RHBDD1: variants seen among roughly 807,000 people sequenced by gnomAD.
RHBDD1 encodes the protein rhomboid domain containing 1.
In RHBDD1, 38 loss-of-function variants were observed where a neutral mutation model predicts 36.3. That is an observed-to-expected ratio of 1.05 (90% CI 0.81 to 1.37). The LOEUF is 1.37. RHBDD1 is among the 40% of genes most tolerant of loss of function. The probability of loss-of-function intolerance (pLI) is 0.00; values close to 1 mark genes in which losing one functional copy is unlikely to be tolerated. For missense variants in RHBDD1, 393 were observed against 377.6 expected (o/e 1.04, Z -0.34); for synonymous variants, 151 against 136.5 (o/e 1.11, Z -0.74).
At chr2:226,937,809 A>G (rs986115265) in intron 8 of RHBDD1, among the ~76,000 whole-genome samples, 5 of 152,174 alleles carry the variant, frequency 3.3e-5, no homozygotes, top group South Asian at 2.1e-4. Context: ...TACATGGTGT[A>G]TACGTACCAC....
intron 5 of RHBDD1, among the ~76,000 whole-genome samples, chr2:226,894,878 T>C (rs1465375168): frequency 6.6e-6 from 1 of 152,182 alleles, no homozygotes; most frequent in Non-Finnish European, 1.5e-5. Flanking sequence ...GAGCAGCCTC[T>C]GCCAAGTCCT....
At position 226,997,821 on chromosome 2, in the gene RHBDD1, A is replaced by G. The variant is rs1280586995; in HGVS notation, c.*2299A>G. ...TGTAAACCAATTACTTTAGCACAAC[A>G]ATAAAGATGTTCTGGAAATTATTAT... On this transcript the variant is annotated 3_prime_UTR_variant, in exon 9 of 9. Coordinates refer to ENST00000392062, the MANE Select transcript of RHBDD1 (RefSeq NM_001167608.3). 6.6e-6 allele frequency: 1 copy of G among 152,212 alleles called. No individual in the cohort carries two copies. The highest frequency in any genetic ancestry group is 1.5e-5 in the Non-Finnish European group (1 of 68,050). The allele number at this position is 152,212 out of a possible 1,614,324, so 9.4% of individuals were successfully genotyped here.
intron 5 of RHBDD1, among the ~76,000 whole-genome samples, chr2:226,872,358 C>A (rs545550441): frequency 2.0e-5 from 3 of 152,114 alleles, no homozygotes; most frequent in Admixed American, 6.5e-5. Context: ...ATATTTTCCC[C>A]GACAGGTTTT....
At chr2:226,834,475 C>T (rs1455135340), upstream of RHBDD1, among the ~76,000 whole-genome samples, 1 of 152,202 alleles carries the variant, frequency 6.6e-6, no homozygotes, top group Non-Finnish European at 1.5e-5. Context: ...TGAACACGTA[C>T]AATTTGCTAA....
chr2:226,927,020 G>C (rs573583987), intron 8 of RHBDD1, among the ~76,000 whole-genome samples: 3 of 152,068 alleles, frequency 2.0e-5, no homozygotes, highest in Non-Finnish European at 2.9e-5. Flanking sequence ...TTTGACAGAA[G>C]TATAGAGTGG....
At chr2:226,953,672 T>C (rs1951583160) in intron 8 of RHBDD1, among the ~76,000 whole-genome samples, 1 of 152,216 alleles carries the variant, frequency 6.6e-6, no homozygotes, top group African/African-American at 2.4e-5. Flanking sequence ...CATCGTGAGC[T>C]ATTCTCCAGC....
intron 8 of RHBDD1, among the ~76,000 whole-genome samples, chr2:226,981,589 TTCTC>T (rs1164694966): frequency 1.2e-3 from 168 of 135,402 alleles, no homozygotes; most frequent in African/African-American, 5.2e-3. Flanking sequence ...CACACACACT[TTCTC>T]TAATGGGGAA....
chr2:226,810,363 A>G, the RHBDD1 span, among the ~76,000 whole-genome samples: 8 of 151,876 alleles, frequency 5.3e-5, no homozygotes, highest in African/African-American at 1.9e-4. Context: ...AACATGACAA[A>G]ATCCCGTCTC....
chr2:226,994,137 C>T (rs1364585501), intron 8 of RHBDD1, among the ~76,000 whole-genome samples: 10 of 152,200 alleles, frequency 6.6e-5, no homozygotes, highest in Non-Finnish European at 1.3e-4. Context: ...CAGTTCCCTT[C>T]ATGGGCAATG....
intron 5 of RHBDD1, among the ~76,000 whole-genome samples, chr2:226,877,330 A>G (rs922040472): frequency 6.6e-6 from 1 of 152,186 alleles, no homozygotes; most frequent in Admixed American, 6.5e-5. Context: ...ATATTGACTT[A>G]ATTATACAGT....
intron 5 of RHBDD1, among the ~76,000 whole-genome samples, chr2:226,889,515 C>A (rs937861535): frequency 2.6e-5 from 4 of 152,116 alleles, no homozygotes; most frequent in African/African-American, 9.7e-5. Flanking sequence ...AACAAAACCT[C>A]GTAGCAGACT....
chr2:226,936,569 T>C (rs2149129063), intron 8 of RHBDD1, among the ~76,000 whole-genome samples: 1 of 152,226 alleles, frequency 6.6e-6, no homozygotes, highest in East Asian at 1.9e-4. Context: ...TGAGAAGATT[T>C]AACAATAAAA....
chr2:226,832,640 T>C (rs1457646791), upstream of RHBDD1, among the ~76,000 whole-genome samples: 1 of 152,224 alleles, frequency 6.6e-6, no homozygotes, highest in East Asian at 1.9e-4. Flanking sequence ...TAGGGCTCTG[T>C]TACTGGGTGC....
intron 5 of RHBDD1, among the ~76,000 whole-genome samples, chr2:226,883,229 T>C (rs902996604): frequency 1.3e-5 from 2 of 152,250 alleles, no homozygotes; most frequent in Non-Finnish European, 2.9e-5. Flanking sequence ...CAGTGTTCAA[T>C]TAGCCACATG....
At chr2:226,886,519 G>A (rs549754739) in intron 5 of RHBDD1, among the ~76,000 whole-genome samples, 4 of 152,188 alleles carry the variant, frequency 2.6e-5, no homozygotes, top group Non-Finnish European at 1.5e-5. Context: ...GACAGTGGAA[G>A]CTCCTCCTGC....
intron 8 of RHBDD1, among the ~76,000 whole-genome samples, chr2:226,933,136 A>G (rs569695266): frequency 2.6e-5 from 4 of 152,212 alleles, no homozygotes; most frequent in African/African-American, 9.6e-5. Flanking sequence ...ACAGCATGGA[A>G]GAAACCGCCC....
intron 5 of RHBDD1, among the ~76,000 whole-genome samples, chr2:226,875,537 C>A (rs530556308): frequency 2.0e-5 from 3 of 152,040 alleles, no homozygotes; most frequent in East Asian, 3.9e-4. Context: ...TAACTACCCC[C>A]CAAACCAGAA....
At position 226,908,831 on chromosome 2, in the gene RHBDD1, C is replaced by T. The variant is rs1176920602; in HGVS notation, c.665C>T (p.Ser222Phe). 4 of 1,606,230 alleles carry T rather than the reference C, an allele frequency of 2.5e-6. No individual in the cohort carries two copies. In the African/African-American group the frequency reaches 5.4e-5, roughly 21 times the overall value. Reference protein sequence around the residue: ...KIMEACAGGFSSSVGYPGRQY... With the variant: ...KIMEACAGGFFSSVGYPGRQY... The stretch of plus-strand genomic sequence containing the variant: ...TTTCTTTTACGTTTAGGCGGTTTTT[C>T]CTCCAGTGTTGGTTACCCAGGACGG... The change falls in exon 7 of 9, where the codon TCC becomes TTC. Residue 222 changes from serine to phenylalanine, a missense_variant. Transcript: ENST00000392062.
At chr2:226,897,635 G>A (rs900958843) in intron 5 of RHBDD1, among the ~76,000 whole-genome samples, 1 of 152,126 alleles carries the variant, frequency 6.6e-6, no homozygotes. Context: ...ACCACATGGC[G>A]AGAGAGGAAG....
Sources: allele counts gnomAD v4.1 joint callset (sites outside exome capture counted in the v4.1 genomes callset), GRCh38; gene constraint gnomAD v4.1.1; transcripts MANE v1.5; gene names NCBI Gene and HGNC (gene_info 2026-07-23, HGNC 2026-07-21).